Variants in KAT6B observed in about 807,000 individuals in gnomAD.
The protein encoded by KAT6B is lysine acetyltransferase 6B.
Under a neutral mutation model 187.5 loss-of-function variants are expected in KAT6B, and 10 were observed. The observed-to-expected ratio is 0.05, with a 90% CI of 0.03 to 0.09. KAT6B has a LOEUF of 0.09. Among genes scored for constraint, KAT6B ranks in the 10% least tolerant of loss-of-function variants. The pLI, the probability that KAT6B is intolerant of heterozygous loss-of-function variation, is 1.00. For missense variants in KAT6B, 1,952 were observed against 2,558.9 expected (o/e 0.76, Z 5.12); for synonymous variants, 861 against 926.8 (o/e 0.93, Z 1.29).
intron 4 of KAT6B, among the ~76,000 whole-genome samples, chr10:74,960,464 T>A (rs1449431735): frequency 1.3e-5 from 2 of 151,982 alleles, no homozygotes; most frequent in Non-Finnish European, 2.9e-5. Context: ...TTTCTGTTAA[T>A]CTTCAAATTT....
At chr10:74,900,119 T>C (rs1846274060) in intron 3 of KAT6B, among the ~76,000 whole-genome samples, 1 of 152,120 alleles carries the variant, frequency 6.6e-6, no homozygotes, top group South Asian at 2.1e-4. Flanking sequence ...TAAACACAGA[T>C]AATGTTAACA....
intron 13 of KAT6B, among the ~76,000 whole-genome samples, chr10:75,003,560 A>G (rs1844001862): frequency 6.6e-6 from 1 of 152,298 alleles, no homozygotes; most frequent in Non-Finnish European, 1.5e-5. Flanking sequence ...GGGTTTTGGA[A>G]GACACATTTT....
chr10:74,943,906 A>T (rs1849886703), intron 3 of KAT6B, among the ~76,000 whole-genome samples: 1 of 152,244 alleles, frequency 6.6e-6, no homozygotes, highest in African/African-American at 2.4e-5. Context: ...ATACATACAT[A>T]CAAAGGACCT....
At chr10:74,893,082 A>G (rs1393720088) in intron 3 of KAT6B, among the ~76,000 whole-genome samples, 1 of 152,246 alleles carries the variant, frequency 6.6e-6, no homozygotes, top group African/African-American at 2.4e-5. Context: ...TGGGTGAACC[A>G]CAGAGGCAGG....
intron 3 of KAT6B, among the ~76,000 whole-genome samples, chr10:74,898,453 ATT>A (rs75371151): frequency 6.8e-6 from 1 of 146,552 alleles, no homozygotes; most frequent in African/African-American, 2.5e-5. Context: ...TCTTTCTACA[ATT>A]TTTTTTTTTT....
intron 3 of KAT6B, among the ~76,000 whole-genome samples, chr10:74,851,131 A>G (rs1444765927): frequency 2.0e-5 from 3 of 151,908 alleles, no homozygotes; most frequent in Non-Finnish European, 4.4e-5. Flanking sequence ...TTTTGGATAC[A>G]GAGTCTTGCT....
chr10:74,843,991 A>T (rs1841931875), intron 3 of KAT6B, among the ~76,000 whole-genome samples: 1 of 151,950 alleles, frequency 6.6e-6, no homozygotes, highest in East Asian at 1.9e-4. Flanking sequence ...CTCCTGCCTC[A>T]GCCTCCCAAG....
intron 3 of KAT6B, among the ~76,000 whole-genome samples, chr10:74,875,232 T>G (rs779081532): frequency 2.0e-5 from 3 of 152,204 alleles, no homozygotes; most frequent in Non-Finnish European, 4.4e-5. Context: ...TCTTGTTGTT[T>G]GTGGTGGTGG....
intron 3 of KAT6B, among the ~76,000 whole-genome samples, chr10:74,906,777 A>T (rs1032443405): frequency 6.6e-6 from 1 of 152,134 alleles, no homozygotes; most frequent in Non-Finnish European, 1.5e-5. Context: ...TTCTGACTTA[A>T]CACCCAGACC....
At chr10:74,894,138 A>C (rs1050911863) in intron 3 of KAT6B, among the ~76,000 whole-genome samples, 2 of 152,002 alleles carry the variant, frequency 1.3e-5, no homozygotes, top group African/African-American at 4.8e-5. Context: ...GCTGGAGTGC[A>C]ATGGCACGAT....
chr10:74,907,101 G>C (rs1467238731), intron 3 of KAT6B, among the ~76,000 whole-genome samples: 1 of 152,206 alleles, frequency 6.6e-6, no homozygotes, highest in African/African-American at 2.4e-5. Flanking sequence ...CGGGTGGGCT[G>C]CAAGTGGTAG....
At chr10:74,871,912 T>G (rs1176530828) in intron 3 of KAT6B, among the ~76,000 whole-genome samples, 1 of 152,188 alleles carries the variant, frequency 6.6e-6, no homozygotes, top group Non-Finnish European at 1.5e-5. Flanking sequence ...TTTCCTCATA[T>G]GTTTAATAAG....
chr10:74,832,012 G>A (rs1343615787), intron 1 of KAT6B, among the ~76,000 whole-genome samples: 1 of 152,204 alleles, frequency 6.6e-6, no homozygotes, highest in African/African-American at 2.4e-5. Flanking sequence ...TACTCTTGAT[G>A]TAACATGCCT....
At chr10:74,940,439 CTAATTTTTG>C (rs1378135268) in intron 3 of KAT6B, among the ~76,000 whole-genome samples, 1 of 151,856 alleles carries the variant, frequency 6.6e-6, no homozygotes, top group Non-Finnish European at 1.5e-5. Context: ...CCATGCTGGG[CTAATTTTTG>C]TATTTTTAGT....
chr10:74,890,713 C>T (rs1403029563), intron 3 of KAT6B, among the ~76,000 whole-genome samples: 2 of 152,168 alleles, frequency 1.3e-5, no homozygotes, highest in Admixed American at 1.3e-4. Flanking sequence ...AGAAATTTGA[C>T]CTTGAGTCAG....
chr10:75,001,361 T>C (rs1843823288), intron 13 of KAT6B, among the ~76,000 whole-genome samples: 1 of 152,164 alleles, frequency 6.6e-6, no homozygotes, highest in African/African-American at 2.4e-5. Context: ...AAGCATCTTC[T>C]CTTTGGTTTC....
At chr10:74,874,402 CAG>C (rs1421430341) in intron 3 of KAT6B, among the ~76,000 whole-genome samples, 3 of 152,080 alleles carry the variant, frequency 2.0e-5, no homozygotes, top group African/African-American at 4.8e-5. Context: ...TTTTCCGAGA[CAG>C]AGTCTTGCTC....
At chr10:74,971,448 T>C (rs1299365131) in intron 6 of KAT6B, among the ~76,000 whole-genome samples, 1 of 152,216 alleles carries the variant, frequency 6.6e-6, no homozygotes, top group Non-Finnish European at 1.5e-5. Context: ...CATCATACAG[T>C]ATCTTAGATT....
chr10:74,966,767 CA>C (rs772509188), intron 4 of KAT6B, among the ~76,000 whole-genome samples: 5 of 152,192 alleles, frequency 3.3e-5, no homozygotes, highest in Non-Finnish European at 7.3e-5. Flanking sequence ...TGGGGTGTGT[CA>C]GTAGTCCCAG....
Sources: allele counts gnomAD v4.1 joint callset (sites outside exome capture counted in the v4.1 genomes callset), GRCh38; gene constraint gnomAD v4.1.1; transcripts MANE v1.5; gene names NCBI Gene and HGNC (gene_info 2026-07-23, HGNC 2026-07-21).